The following RARB variants were observed in gnomAD, a reference collection of about 807,000 sequenced individuals.
RARB encodes retinoic acid receptor beta.
RARB carries 17 observed loss-of-function variants against 51.9 expected under a neutral mutation model. That is an observed-to-expected ratio of 0.33 (90% CI 0.22 to 0.49). The LOEUF (loss-of-function observed/expected upper bound fraction) is 0.49. Among genes scored for constraint, RARB ranks in the 20% least tolerant of loss-of-function variants. The pLI, the probability that RARB is intolerant of heterozygous loss-of-function variation, is 0.99. For missense variants in RARB, 369 were observed against 550.8 expected, an observed-to-expected ratio of 0.67 and a Z score of 3.30; for synonymous variants, 215 against 195.4, an observed-to-expected ratio of 1.10 and a Z score of -0.84.
intron 7 of RARB, among the ~76,000 whole-genome samples, chr3:25,595,424 A>G (rs975499848): frequency 6.6e-6 from 1 of 152,190 alleles, no homozygotes; most frequent in African/African-American, 2.4e-5. Flanking sequence ...AGCAGTCTTA[A>G]CTCGAGCTCC....
At chr3:25,242,818 A>G (rs747578336) in intron 5 of RARB, among the ~76,000 whole-genome samples, 46 of 152,148 alleles carry the variant, frequency 3.0e-4, no homozygotes, top group Non-Finnish European at 5.6e-4. Flanking sequence ...TATGAAATTT[A>G]AAGAAGTTTT....
At chr3:25,282,278 G>A (rs1703542590) in intron 5 of RARB, among the ~76,000 whole-genome samples, 2 of 152,140 alleles carry the variant, frequency 1.3e-5, no homozygotes, top group Non-Finnish European at 2.9e-5. Context: ...CACTCCCAGT[G>A]AGGGGCCTTT....
chr3:24,904,698 A>C (rs898881382), intron 2 of RARB, among the ~76,000 whole-genome samples: 4 of 152,234 alleles, frequency 2.6e-5, no homozygotes, highest in Non-Finnish European at 4.4e-5. Context: ...TTCTACTATG[A>C]AGACACATGC....
intron 2 of RARB, among the ~76,000 whole-genome samples, chr3:24,933,678 G>A (rs569080014): frequency 1.3e-5 from 2 of 152,168 alleles, no homozygotes; most frequent in African/African-American, 4.8e-5. Flanking sequence ...TAGAAGGCCA[G>A]CAACCTTATT....
At chr3:24,895,023 C>CTATATAGGATATAG (rs1463712911) in intron 2 of RARB, among the ~76,000 whole-genome samples, 1 of 152,138 alleles carries the variant, frequency 6.6e-6, no homozygotes, top group African/African-American at 2.4e-5. Flanking sequence ...AATAGATTTA[C>CTATATAGGATATAG]TAAGTTATAT....
chr3:25,274,719 C>A (rs376033432), intron 5 of RARB, among the ~76,000 whole-genome samples: 1 of 152,136 alleles, frequency 6.6e-6, no homozygotes, highest in Admixed American at 6.5e-5. Flanking sequence ...GACTTTCTTC[C>A]GCATGTCCCC....
At chr3:25,285,871 C>T (rs1703637854) in intron 5 of RARB, among the ~76,000 whole-genome samples, 1 of 152,144 alleles carries the variant, frequency 6.6e-6, no homozygotes, top group Non-Finnish European at 1.5e-5. Context: ...CTGTCTCCAT[C>T]TGGTTGGTGT....
At chr3:24,952,737 C>CT (rs201932422) in intron 2 of RARB, among the ~76,000 whole-genome samples, 3,038 of 152,122 alleles carry the variant, frequency 0.02, 99 homozygotes, top group African/African-American at 0.07. Context: ...CTGTCACCCT[C>CT]TTTTTTTCTC....
intron 2 of RARB, among the ~76,000 whole-genome samples, chr3:24,947,466 A>G (rs544300724): frequency 6.6e-6 from 1 of 152,306 alleles, no homozygotes; most frequent in Non-Finnish European, 1.5e-5. Context: ...GAGAAGTAGA[A>G]CGTGTGTAAA....
intron 4 of RARB, among the ~76,000 whole-genome samples, chr3:25,159,525 C>T (rs749157006): frequency 1.3e-5 from 2 of 151,948 alleles, no homozygotes; most frequent in Non-Finnish European, 2.9e-5. Context: ...TTGTGAGCCA[C>T]ATACTATGAC....
chr3:25,420,829 T>C (rs1267256431), intron 5 of RARB, among the ~76,000 whole-genome samples: 1 of 151,874 alleles, frequency 6.6e-6, no homozygotes. Context: ...GGATATCAGG[T>C]AGAAGAACGG....
At chr3:25,187,475 T>C (rs1181446575) in intron 5 of RARB, among the ~76,000 whole-genome samples, 1 of 152,072 alleles carries the variant, frequency 6.6e-6, no homozygotes, top group Non-Finnish European at 1.5e-5. Flanking sequence ...TGCATATATG[T>C]TACATTTTTA....
At chr3:25,163,622 A>C (rs541199671) in intron 4 of RARB, among the ~76,000 whole-genome samples, 19 of 151,690 alleles carry the variant, frequency 1.3e-4, no homozygotes, top group Admixed American at 9.8e-4. Context: ...CAAGGAACAC[A>C]CAGAAATTAA....
chr3:24,984,176 C>T (rs1287411153), intron 2 of RARB, among the ~76,000 whole-genome samples: 1 of 152,152 alleles, frequency 6.6e-6, no homozygotes, highest in Non-Finnish European at 1.5e-5. Flanking sequence ...AAGAAATCAA[C>T]CAAACCAGTG....
chr3:25,332,242 A>G (rs902936922), intron 5 of RARB, among the ~76,000 whole-genome samples: 30 of 152,232 alleles, frequency 2.0e-4, no homozygotes, highest in Non-Finnish European at 3.8e-4. Flanking sequence ...TTGTAGACCA[A>G]TATCCCTGAT....
chr3:25,328,609 A>T (rs1704795663), intron 5 of RARB, among the ~76,000 whole-genome samples: 1 of 152,230 alleles, frequency 6.6e-6, no homozygotes, highest in South Asian at 2.1e-4. Context: ...TCCCAGCATG[A>T]GCGACACAGA....
intron 3 of RARB, among the ~76,000 whole-genome samples, chr3:25,569,076 C>T (rs778078732): frequency 1.3e-5 from 2 of 152,208 alleles, no homozygotes; most frequent in African/African-American, 2.4e-5. Context: ...CCAGACACAA[C>T]GTGGAGTCAA....
At chr3:25,475,257 G>C (rs1695889572) in intron 2 of RARB, among the ~76,000 whole-genome samples, 2 of 152,014 alleles carry the variant, frequency 1.3e-5, no homozygotes, top group Admixed American at 1.3e-4. Context: ...TGAGCTCTGG[G>C]CCTCAGAAAG....
chr3:25,397,973 TATA>T (rs1447352442), intron 5 of RARB, among the ~76,000 whole-genome samples: 1 of 152,196 alleles, frequency 6.6e-6, no homozygotes, highest in African/African-American at 2.4e-5. Context: ...CTTAAAATGA[TATA>T]ATTTTTCCTA....
Sources: allele counts gnomAD v4.1 joint callset (sites outside exome capture counted in the v4.1 genomes callset), GRCh38; gene constraint gnomAD v4.1.1; transcripts MANE v1.5; gene names NCBI Gene and HGNC (gene_info 2026-07-23, HGNC 2026-07-21).